Variants in NEB observed in about 807,000 individuals in gnomAD.
NEB encodes nebulin.
Under a neutral mutation model 952.2 loss-of-function variants are expected in NEB, and 512 were observed. The ratio of observed to expected loss-of-function variants is 0.54; its 90% confidence interval spans 0.50 to 0.58. The LOEUF is 0.58. Among genes scored for constraint, NEB ranks in the 20% least tolerant of loss-of-function variants. The pLI, the probability that NEB is intolerant of heterozygous loss-of-function variation, is 0.00. For synonymous variants in NEB, 2,900 were observed against 3,149.8 expected, an observed-to-expected ratio of 0.92 and a Z score of 2.66; for missense variants, 8,428 against 9,231.1, an observed-to-expected ratio of 0.91 and a Z score of 3.56.
chr2:151,534,427 G>A lies in NEB; in HGVS notation c.21313-881C>T, dbSNP rs148062318. On this transcript the variant is annotated intron_variant, in intron 142 of 181. Transcript: ENST00000397345. ...GCCAGAACATGTCATCTCTAGTGGCGGGCTCCCAACATACCCAAGACAATA... is the reference window on the plus strand; with the variant it reads ...GCCAGAACATGTCATCTCTAGTGGCAGGCTCCCAACATACCCAAGACAATA... 59 of 896,970 alleles carry A rather than the reference G, an allele frequency of 6.6e-5. No homozygotes were observed. In the African/African-American group the frequency reaches 7.2e-4, roughly 11 times the overall value. 55.6% of individuals were successfully genotyped at this position (896,970 alleles called of 1,614,324 possible). A position where few individuals can be genotyped will look rare whatever the true frequency, so the allele number is the denominator to read the frequency against.
Position 151,655,754 on chromosome 2 carries a change from G to T in NEB, c.6702+63C>A. ...ACCTTAATTAGATTTCTCCAAACAA[G>T]AACCAGAGCCTGCTAGCCTTTCCTC... On this transcript the variant is annotated intron_variant, in intron 50 of 181. Transcript: ENST00000397345. 3.2e-6 allele frequency: 5 copies of T among 1,543,566 alleles called. No homozygotes were observed. The South Asian group carries it at 5.6e-5, about 17-fold the overall frequency.
chr2:151,538,016 A>G, intron 139 of NEB, 40 bp from the exon 140 acceptor site: 1 of 1,572,700 alleles, frequency 6.4e-7, no homozygotes, highest in Non-Finnish European at 8.7e-7. Flanking sequence ...AGTCTTACCC[A>G]AAGTTAATGT....
rs189946813 is a variant in NEB at position 151,623,859 on chromosome 2, C to T, written c.10452+1675G>A. ...GTGGGAAAAAATGTGCTTCAATCAT[C>T]TCATGGCTTCAGGCCAAAAAAATAG... On this transcript the variant is annotated intron_variant, in intron 71 of 181. Coordinates refer to ENST00000397345, the MANE Select transcript of NEB (RefSeq NM_001164508.2). 3.0e-3 allele frequency among the ~76,000 whole-genome samples: 452 copies of T among 152,230 alleles called. 2 individuals carry two copies. The highest frequency in any genetic ancestry group is 0.011 in the African/African-American group (437 of 41,552).
intron 27 of NEB, among the ~76,000 whole-genome samples, chr2:151,686,587 A>G (rs2099501028): frequency 6.6e-6 from 1 of 152,196 alleles, no homozygotes; most frequent in Non-Finnish European, 1.5e-5. Flanking sequence ...GTGCTATGTA[A>G]TGACAGAATA....
At chr2:151,664,887 T>C (rs1165501975) in intron 42 of NEB, 24 bp from the exon 43 acceptor site, 3 of 1,544,930 alleles carry the variant, frequency 1.9e-6, no homozygotes, top group Non-Finnish European at 1.8e-6. Flanking sequence ...GTCAGGTGCA[T>C]GATTTTACAG....
chr2:151,717,337 C>T, intron 10 of NEB, 79 bp downstream of exon 10: 3 of 1,007,760 alleles, frequency 3.0e-6, no homozygotes, highest in Non-Finnish European at 4.7e-6. Flanking sequence ...TCAGTCTCAC[C>T]TTTAGTAACC....
rs1168444365 is a variant in NEB at position 151,629,543 on chromosome 2, C to T, written c.9827G>A (p.Ser3276Asn). The T allele has an allele frequency of 8.7e-6, 14 of 1,611,318 alleles. No homozygotes were observed. The highest frequency in any genetic ancestry group is 1.3e-5 in the African/African-American group (1 of 74,866). ...VAAKASRDVI[S>N]DYKYKDGYRK... is the part of the protein sequence containing the mutation. ...ATCTAGGGTGTTGCTACTCACATCA[C>T]TGATAACGTCCCTGGAGGCCTTGGC... Residue 3276 changes from serine to asparagine, a missense_variant, in exon 68 of 182, where the codon AGT becomes AAT. Transcript: ENST00000397345.
chr2:151,650,573 C>T lies in NEB; in HGVS notation c.7227+1G>A, dbSNP rs1459939417. 2 of 1,554,398 alleles carry T rather than the reference C, an allele frequency of 1.3e-6. No homozygotes were observed. The highest frequency in any genetic ancestry group is 2.3e-5 in the East Asian group (1 of 44,376). ...AACTATTGGATTTAATAGAAACTGA[C>T]CTCACTTTGCAGTTCATAAACTTTC... On this transcript the variant is annotated splice_donor_variant, in intron 53 of 181. Transcript: ENST00000397345. LOFTEE classifies it high-confidence loss of function.
At position 151,724,320 on chromosome 2, in the gene NEB, C is replaced by T. The variant is rs749789516; in HGVS notation, c.552G>A (p.Leu184=). Residue 184 remains leucine, a synonymous_variant, in exon 8 of 182, where the codon CTG becomes CTA. Transcript: ENST00000397345. ...QNWEDTKDKY[L]LPPDAPELVQ... ...CAAGTTCAGGGGCATCAGGAGGAAGCAGGTACTTATCCTTGGTGTCTTCCC... is the reference window on the plus strand; with the variant it reads ...CAAGTTCAGGGGCATCAGGAGGAAGTAGGTACTTATCCTTGGTGTCTTCCC... The T allele has an allele frequency of 1.2e-6, 2 of 1,613,018 alleles. No homozygotes were observed. The highest frequency in any genetic ancestry group is 1.7e-6 in the Non-Finnish European group (2 of 1,179,532).
intron 57 of NEB, 103 bp downstream of exon 57, chr2:151,643,715 G>A: frequency 1.3e-6 from 2 of 1,517,566 alleles, no homozygotes; most frequent in Non-Finnish European, 1.8e-6. Context: ...TTGGGCATTA[G>A]TCCAGGGTAA....
intron 141 of NEB, among the ~76,000 whole-genome samples, chr2:151,536,463 G>A (rs114549990): frequency 0.013 from 2,036 of 152,236 alleles, 10 homozygotes; most frequent in South Asian, 0.026. Flanking sequence ...TTAATTTGAA[G>A]AGTTTTCCAG....
chr2:151,490,403 GT>G lies in NEB; in HGVS notation c.25265del (p.Tyr8422SerfsTer73). 6.3e-7 allele frequency: 1 copy of G among 1,595,118 alleles called. No individual in the cohort carries two copies. Among genetic ancestry groups the G allele is most frequent in the Non-Finnish European group, 8.5e-7 (1 of 1,170,092 alleles). On this transcript the variant is annotated frameshift_variant, in exon 180 of 182. Transcript: ENST00000397345. LOFTEE classifies it high-confidence loss of function. The stretch of plus-strand genomic sequence containing the variant: ...AGACTGCAAAGACACCCCCGTCGCT[GT>G]AAGTCGAAAGGTGGTGGTCTGGTGC... ...SEAPDHHLST[Y>X]SDGGVFAVST... is the part of the protein sequence containing the mutation.
intron 63 of NEB, among the ~76,000 whole-genome samples, chr2:151,637,407 G>T (rs888979356): frequency 3.9e-5 from 6 of 152,170 alleles, no homozygotes; most frequent in Admixed American, 3.9e-4. Context: ...TCACAGGAGA[G>T]GGCTGAGAAT....
chr2:151,680,912 G>A, intron 29 of NEB, 84 bp from the exon 30 acceptor site: 1 of 1,121,784 alleles, frequency 8.9e-7, no homozygotes, highest in Non-Finnish European at 1.4e-6. Flanking sequence ...TTATTTTGAA[G>A]CGAAAAGGAA....
At chr2:151,617,828 G>A (rs1223301762) in intron 74 of NEB, among the ~76,000 whole-genome samples, 4 of 151,812 alleles carry the variant, frequency 2.6e-5, no homozygotes, top group African/African-American at 7.3e-5. Context: ...TTGGGAGGCC[G>A]AGATGGGTGG....
intron 61 of NEB, 88 bp downstream of exon 61, chr2:151,640,267 G>A (rs2098830478): frequency 3.9e-6 from 6 of 1,555,520 alleles, no homozygotes; most frequent in Non-Finnish European, 5.2e-6. Context: ...CCAGGGGCTG[G>A]TGAGCTTGTG....
rs367599472 is a variant in NEB at position 151,613,639 on chromosome 2, T to C, written c.11601+637A>G. 1.1e-4 allele frequency among the ~76,000 whole-genome samples: 17 copies of C among 152,206 alleles called. No individual in the cohort carries two copies. In the East Asian group the frequency reaches 3.3e-3, roughly 29 times the overall value. On this transcript the variant is annotated intron_variant, in intron 77 of 181. Transcript: ENST00000397345. Reference sequence around the variant, plus strand: ...ATCTTCATCCAGATCTCATGTTGAATTGTAATCCTCAATGTTGGAGGAGGG... The same window carrying C: ...ATCTTCATCCAGATCTCATGTTGAACTGTAATCCTCAATGTTGGAGGAGGG...
At position 151,677,986 on chromosome 2, in the gene NEB, G is replaced by C; in HGVS notation, c.3457C>G (p.Gln1153Glu). The C allele has an allele frequency of 6.2e-7, 1 of 1,613,944 alleles. No individual in the cohort carries two copies. ...TAGTTGACATTGCTGACCACATCCT[G>C]GGCTTTCTTAGCCGCCACGACATTG... ...MFNVVAAKKA[Q>E]DVVSNVNYKH... is the part of the protein sequence containing the mutation. The change falls in exon 33 of 182, where the codon CAG becomes GAG. Residue 1153 changes from glutamine to glutamate, a missense_variant. Gln to Glu is a conservative substitution (Grantham distance 29). Around this residue, in one of 11 missense-constraint regions of NEB, gnomAD observed 2,851 missense variants for 2,791.5 expected, o/e 1.02. Coordinates refer to ENST00000397345, the MANE Select transcript of NEB (RefSeq NM_001164508.2).
intron 167 of NEB, 52 bp from the exon 168 acceptor site, chr2:151,501,535 G>T: frequency 9.1e-7 from 1 of 1,096,096 alleles, no homozygotes; most frequent in Non-Finnish European, 1.2e-6. Flanking sequence ...CATTTTTTAG[G>T]TAGACTTAAC....
Sources: gnomAD v4.1 joint callset for allele counts (sites outside exome capture counted in the v4.1 genomes callset) on GRCh38, gnomAD v4.1.1 for gene constraint, gnomAD v4.1.1 regional missense constraint, MANE v1.5 for transcripts, NCBI Gene and HGNC (gene_info 2026-07-23, HGNC 2026-07-21) for gene names.